SLC35F3: variants seen among roughly 807,000 people sequenced by gnomAD.
SLC35F3 encodes solute carrier family 35 member F3, also known as putative thiamine transporter SLC35F3.
SLC35F3 carries 25 observed loss-of-function variants against 49.9 expected under a neutral mutation model. The observed-to-expected ratio is 0.50, with a 90% CI of 0.37 to 0.70. The LOEUF (loss-of-function observed/expected upper bound fraction) is 0.70. Among genes scored for constraint, SLC35F3 ranks in the 30% least tolerant of loss-of-function variants. SLC35F3 has a pLI of 0.00. For missense variants in SLC35F3, 525 were observed against 639.8 expected, an observed-to-expected ratio of 0.82 and a Z score of 1.94; for synonymous variants, 275 against 265.4, an observed-to-expected ratio of 1.04 and a Z score of -0.35.
chr1:234,165,546 A>G (rs729182), intron 2 of SLC35F3, among the ~76,000 whole-genome samples: 12,482 of 152,064 alleles, frequency 0.082, 1,669 homozygotes, highest in African/African-American at 0.28. Flanking sequence ...ACCTCTTTAC[A>G]TTATTTTTTC....
intron 2 of SLC35F3, among the ~76,000 whole-genome samples, chr1:234,122,069 T>A (rs909323232): frequency 6.6e-6 from 1 of 152,214 alleles, no homozygotes; most frequent in Non-Finnish European, 1.5e-5. Flanking sequence ...TTATAATCCT[T>A]TGGGTATGTA....
At chr1:234,015,487 A>G (rs1663788574) in intron 2 of SLC35F3, among the ~76,000 whole-genome samples, 1 of 152,154 alleles carries the variant, frequency 6.6e-6, no homozygotes, top group Admixed American at 6.5e-5. Context: ...CAGAATAGAG[A>G]GCTCAGAAAT....
intron 3 of SLC35F3, among the ~76,000 whole-genome samples, chr1:234,265,340 C>G (rs1057471816): frequency 9.1e-6 from 1 of 109,910 alleles, no homozygotes; most frequent in Non-Finnish European, 2.0e-5. Context: ...TTTTCTTTTT[C>G]TTTTTGTTTT....
chr1:233,910,884 A>T lies in SLC35F3; in HGVS notation c.283+5126A>T, dbSNP rs149324183. ...GAGTTTTAAGTCATTTGTAGAATGG[A>T]GAGAGGGTCAGTCTTAAAAGACCAA... is the stretch of plus-strand genomic sequence containing the variant. On this transcript the variant is annotated intron_variant, in intron 2 of 7. Coordinates refer to ENST00000366618, the MANE Select transcript of SLC35F3 (RefSeq NM_173508.4). 3.3e-5 allele frequency among the ~76,000 whole-genome samples: 5 copies of T among 152,300 alleles called. No homozygotes were observed. In the East Asian group the frequency reaches 9.7e-4, roughly 29 times the overall value.
chr1:234,056,714 G>A (rs1664461787), intron 2 of SLC35F3, among the ~76,000 whole-genome samples: 1 of 152,140 alleles, frequency 6.6e-6, no homozygotes, highest in African/African-American at 2.4e-5. Context: ...TGCTTTTGAT[G>A]TCCTATCTAA....
intron 2 of SLC35F3, among the ~76,000 whole-genome samples, chr1:234,172,621 C>T (rs940049281): frequency 2.6e-5 from 4 of 152,226 alleles, no homozygotes; most frequent in African/African-American, 9.6e-5. Flanking sequence ...GTGCAAACAT[C>T]ATAGCGAGCA....
At chr1:233,916,307 G>C (rs1467875260) in intron 2 of SLC35F3, among the ~76,000 whole-genome samples, 1 of 152,082 alleles carries the variant, frequency 6.6e-6, no homozygotes, top group African/African-American at 2.4e-5. Flanking sequence ...TAGCTCTGTT[G>C]CCCAGCCTGG....
intron 2 of SLC35F3, among the ~76,000 whole-genome samples, chr1:233,972,085 C>G (rs573368955): frequency 6.6e-6 from 1 of 152,332 alleles, no homozygotes; most frequent in East Asian, 1.9e-4. Context: ...GTATTTGAAA[C>G]AATGTACAAA....
chr1:234,112,625 G>A (rs1001342247), intron 2 of SLC35F3, among the ~76,000 whole-genome samples: 4 of 141,820 alleles, frequency 2.8e-5, no homozygotes, highest in Non-Finnish European at 6.0e-5. Flanking sequence ...CCGCTATCTC[G>A]GCTCGCTGCA....
intron 2 of SLC35F3, among the ~76,000 whole-genome samples, chr1:234,164,841 TGG>T (rs201138910): frequency 1.5e-4 from 3 of 20,122 alleles, no homozygotes; most frequent in Admixed American, 6.8e-4. Context: ...GTGATTTGGG[TGG>T]GGGGGGGGGT....
Position 234,320,591 on chromosome 1 carries a change from A to T in SLC35F3, c.1237+404A>T, listed in dbSNP as rs1233168171. ...GTAGGAAATGATGTAGCAGAAAAAA[A>T]ATGTCACTTTTGCAGGTAACTTTCT... is the stretch of plus-strand genomic sequence containing the variant. On this transcript the variant is annotated intron_variant, in intron 7 of 7. Coordinates refer to ENST00000366618, the MANE Select transcript of SLC35F3 (RefSeq NM_173508.4). The surrounding 1 kb of genome is among the most constrained non-coding windows in gnomAD (Gnocchi z 4.8). Among the ~76,000 whole-genome samples the T allele has an allele frequency of 6.6e-6, 1 of 152,178 alleles. No homozygotes were observed. The highest frequency in any genetic ancestry group is 1.5e-5 in the Non-Finnish European group (1 of 68,040).
At chr1:234,121,363 C>T (rs959579058) in intron 2 of SLC35F3, among the ~76,000 whole-genome samples, 3 of 151,854 alleles carry the variant, frequency 2.0e-5, no homozygotes, top group African/African-American at 7.3e-5. Context: ...TGGTCTCGAT[C>T]TCCTGACCTC....
intron 2 of SLC35F3, among the ~76,000 whole-genome samples, chr1:234,079,511 G>A: frequency 6.6e-6 from 1 of 152,152 alleles, no homozygotes; most frequent in African/African-American, 2.4e-5. Flanking sequence ...TATATTTTGA[G>A]TTTAGCATTC....
At chr1:234,108,856 CTCAT>C (rs1354114419) in intron 2 of SLC35F3, among the ~76,000 whole-genome samples, 8 of 146,732 alleles carry the variant, frequency 5.5e-5, no homozygotes, top group Admixed American at 1.4e-4. Context: ...ATATGTTTCT[CTCAT>C]AGCCCAGGTA....
At chr1:234,169,711 C>T (rs1238574600) in intron 2 of SLC35F3, among the ~76,000 whole-genome samples, 1 of 152,216 alleles carries the variant, frequency 6.6e-6, no homozygotes, top group Non-Finnish European at 1.5e-5. Context: ...GTACAGCCCC[C>T]AGCTGTCCTG....
intron 3 of SLC35F3, among the ~76,000 whole-genome samples, chr1:234,275,311 G>T (rs1340362740): frequency 6.6e-6 from 1 of 150,494 alleles, no homozygotes; most frequent in East Asian, 1.9e-4. Flanking sequence ...CATCATTGTG[G>T]ATATGTAAAC....
At chr1:234,109,204 A>G (rs1213353329) in intron 2 of SLC35F3, among the ~76,000 whole-genome samples, 7 of 152,174 alleles carry the variant, frequency 4.6e-5, no homozygotes, top group Non-Finnish European at 8.8e-5. Flanking sequence ...AAATTTTCAC[A>G]TTGCCTAGAG....
At chr1:233,911,572 G>A (rs72751791) in intron 2 of SLC35F3, among the ~76,000 whole-genome samples, 4,606 of 152,306 alleles carry the variant, frequency 0.03, 132 homozygotes, top group East Asian at 0.14. Flanking sequence ...AGGAAACGAG[G>A]TGACCCCAGC....
chr1:234,304,999 C>A (rs1394081005), intron 3 of SLC35F3, among the ~76,000 whole-genome samples: 1 of 152,090 alleles, frequency 6.6e-6, no homozygotes, highest in African/African-American at 2.4e-5. Flanking sequence ...GAGGAAATTA[C>A]AAAAGAAATA....
Sources: gnomAD v4.1 joint callset for allele counts (sites outside exome capture counted in the v4.1 genomes callset) on GRCh38, gnomAD v4.1.1 for gene constraint, Gnocchi (gnomAD v3.1) non-coding constraint, MANE v1.5 for transcripts, NCBI Gene and HGNC (gene_info 2026-07-23, HGNC 2026-07-21) for gene names.